DLG2: variants seen among roughly 807,000 people sequenced by gnomAD.
The protein encoded by DLG2 is disks large homolog 2.
DLG2 carries 45 observed loss-of-function variants against 132.5 expected under a neutral mutation model. That is an observed-to-expected ratio of 0.34 (90% confidence interval 0.27 to 0.44). The LOEUF (loss-of-function observed/expected upper bound fraction) is 0.44. Ranked by LOEUF, DLG2 falls within the 20% of genes least tolerant of loss-of-function variation. The pLI is 1.00. For synonymous variants in DLG2, 424 were observed against 419.6 expected, an observed-to-expected ratio of 1.01 and a Z score of -0.13; for missense variants, 1,045 against 1,196.9, an observed-to-expected ratio of 0.87 and a Z score of 1.87.
At chr11:84,945,278 C>T (rs1237300709) in intron 6 of DLG2, among the ~76,000 whole-genome samples, 1 of 152,174 alleles carries the variant, frequency 6.6e-6, no homozygotes, top group East Asian at 1.9e-4. Context: ...CACCCCAACC[C>T]CAAGCCCAAG....
intron 15 of DLG2, among the ~76,000 whole-genome samples, chr11:83,875,004 A>C (rs1329381569): frequency 6.6e-6 from 1 of 152,168 alleles, no homozygotes; most frequent in Non-Finnish European, 1.5e-5. Flanking sequence ...TGTATTTTTT[A>C]AGCTGCAGAA....
chr11:84,763,055 T>C (rs112151141), intron 6 of DLG2, among the ~76,000 whole-genome samples: 18 of 152,226 alleles, frequency 1.2e-4, no homozygotes, highest in African/African-American at 4.3e-4. Flanking sequence ...TTATGACTTG[T>C]GCCCACACCA....
chr11:83,880,120 G>T (rs1156765701), intron 15 of DLG2, among the ~76,000 whole-genome samples: 2 of 152,082 alleles, frequency 1.3e-5, no homozygotes, highest in East Asian at 3.9e-4. Context: ...GACTGTGGAT[G>T]GGCAATGAGG....
At chr11:83,932,882 T>C (rs184395232) in intron 14 of DLG2, among the ~76,000 whole-genome samples, 105 of 152,266 alleles carry the variant, frequency 6.9e-4, no homozygotes, top group African/African-American at 2.1e-3. Context: ...TACTTAATTA[T>C]AGCATGTGCG....
At chr11:83,546,371 A>G (rs948522270) in intron 19 of DLG2, among the ~76,000 whole-genome samples, 1 of 152,154 alleles carries the variant, frequency 6.6e-6, no homozygotes, top group African/African-American at 2.4e-5. Flanking sequence ...TCTTAACTGT[A>G]TAATTTGGGC....
chr11:85,122,949 T>TTATATATATATTATATA (rs1555376285), intron 5 of DLG2, among the ~76,000 whole-genome samples: 4 of 48,154 alleles, frequency 8.3e-5, no homozygotes, highest in African/African-American at 4.0e-4. Flanking sequence ...TGTATATATA[T>TTATATATATATTATATA]TATATATATA....
chr11:84,301,440 G>A (rs989171239), intron 7 of DLG2, among the ~76,000 whole-genome samples: 5 of 151,842 alleles, frequency 3.3e-5, no homozygotes, highest in East Asian at 1.9e-4. Flanking sequence ...GGTGGATCAC[G>A]AAGTCAGGAG....
intron 15 of DLG2, among the ~76,000 whole-genome samples, chr11:83,923,794 C>T (rs2078407901): frequency 6.6e-6 from 1 of 152,116 alleles, no homozygotes; most frequent in South Asian, 2.1e-4. Context: ...ACTAGTTTCC[C>T]TGCATTCAAA....
intron 6 of DLG2, among the ~76,000 whole-genome samples, chr11:85,082,716 A>G (rs1780752388): frequency 1.3e-5 from 2 of 148,882 alleles, no homozygotes; most frequent in Non-Finnish European, 3.0e-5. Context: ...AACCAAGCAC[A>G]TGGTTTTTTC....
At chr11:83,755,075 G>A (rs1327686388) in intron 18 of DLG2, among the ~76,000 whole-genome samples, 2 of 150,896 alleles carry the variant, frequency 1.3e-5, no homozygotes, top group African/African-American at 4.9e-5. Context: ...ACATTCAAAA[G>A]GTAAACTGAT....
rs1262463656 is a variant in DLG2 at position 84,890,762 on chromosome 11, A to T, written c.357+220899T>A. On this transcript the variant is annotated intron_variant, in intron 6 of 27. Transcript: ENST00000376104. Reference sequence around the variant, plus strand: ...AGTCCCAGAGCTGTCTGTCTTTTCCATTTGGGCTGTGGCAGACTGAGCTGA... The same window carrying T: ...AGTCCCAGAGCTGTCTGTCTTTTCCTTTTGGGCTGTGGCAGACTGAGCTGA... The T allele has an allele frequency of 3.3e-5, 5 of 152,234 alleles. No homozygotes were observed. In the South Asian group the frequency reaches 8.3e-4, roughly 25 times the overall value. 9.4% of individuals were successfully genotyped at this position (152,234 alleles called of 1,614,324 possible). A position where few individuals can be genotyped will look rare whatever the true frequency, so the allele number is the denominator to read the frequency against.
chr11:85,457,460 G>A (rs924990005), intron 3 of DLG2, among the ~76,000 whole-genome samples: 1 of 152,124 alleles, frequency 6.6e-6, no homozygotes, highest in African/African-American at 2.4e-5. Context: ...ATTGATATAT[G>A]CCAATTTGAT....
chr11:83,578,045 T>C (rs2096909574), intron 19 of DLG2, among the ~76,000 whole-genome samples: 1 of 118,838 alleles, frequency 8.4e-6, no homozygotes, highest in Non-Finnish European at 1.7e-5. Context: ...GTTTATTTTG[T>C]GTGTGTGTGT....
intron 6 of DLG2, among the ~76,000 whole-genome samples, chr11:84,904,387 T>C (rs1376581129): frequency 6.6e-6 from 1 of 152,190 alleles, no homozygotes; most frequent in African/African-American, 2.4e-5. Flanking sequence ...TTCCAAAAAC[T>C]TCATAATGTT....
chr11:85,027,504 T>C (rs973405130), intron 6 of DLG2, among the ~76,000 whole-genome samples: 3 of 152,184 alleles, frequency 2.0e-5, no homozygotes, highest in Admixed American at 6.5e-5. Flanking sequence ...AGGCTGCGCT[T>C]GGCTCACACT....
intron 18 of DLG2, among the ~76,000 whole-genome samples, chr11:83,771,292 CCTT>C (rs2094382054): frequency 6.6e-6 from 1 of 152,194 alleles, no homozygotes; most frequent in Non-Finnish European, 1.5e-5. Flanking sequence ...CCCTACTACT[CCTT>C]CTTTTGCATA....
At chr11:83,617,803 C>A (rs916333546) in intron 19 of DLG2, among the ~76,000 whole-genome samples, 10 of 152,092 alleles carry the variant, frequency 6.6e-5, no homozygotes, top group Non-Finnish European at 4.4e-5. Flanking sequence ...GTTAGAACAG[C>A]CTGACCAACA....
intron 14 of DLG2, among the ~76,000 whole-genome samples, chr11:83,945,971 C>CCT (rs1414942647): frequency 0.025 from 3,602 of 141,530 alleles, 66 homozygotes; most frequent in East Asian, 0.11. Context: ...CCTTCCTTTT[C>CCT]TCTTTCTCTT....
At chr11:84,294,401 C>T (rs745702146) in intron 7 of DLG2, among the ~76,000 whole-genome samples, 1 of 152,110 alleles carries the variant, frequency 6.6e-6, no homozygotes, top group Non-Finnish European at 1.5e-5. Flanking sequence ...AGTTTGAGAC[C>T]AGCCTGACCA....
Sources: gnomAD v4.1 joint callset for allele counts (sites outside exome capture counted in the v4.1 genomes callset) on GRCh38, gnomAD v4.1.1 for gene constraint, MANE v1.5 for transcripts, NCBI Gene and HGNC (gene_info 2026-07-23, HGNC 2026-07-21) for gene names.